Variants in MT2A observed in about 807,000 individuals in gnomAD.
MT2A encodes the protein metallothionein 2A, also known as metallothionein-2.
Under a neutral mutation model 9.9 loss-of-function variants are expected in MT2A, and 6 were observed. The observed-to-expected ratio is 0.61, with a 90% CI of 0.33 to 1.20. The LOEUF is 1.20. Ranked by LOEUF, MT2A falls within the 50% of genes most tolerant of loss-of-function variation. The pLI is 0.04. For synonymous variants in MT2A, 27 were observed against 28.7 expected, an observed-to-expected ratio of 0.94 and a Z score of 0.18; for missense variants, 57 against 78.2, an observed-to-expected ratio of 0.73 and a Z score of 1.02.
At position 56,608,669 on chromosome 16, in the gene MT2A, G is replaced by T; in HGVS notation, c.14G>T (p.Cys5Phe). Reference sequence around the variant, plus strand: ...CTTCAGCTCGCCATGGATCCCAACTGCTCCTGCGCCGCCGGTAAGAGGCTG... The same window carrying T: ...CTTCAGCTCGCCATGGATCCCAACTTCTCCTGCGCCGCCGGTAAGAGGCTG... MDPN[C>F]SCAAGDSCTC... The change falls in exon 1 of 3, where the codon TGC (cysteine) becomes TTC (phenylalanine). Residue 5 changes from cysteine (C) to phenylalanine (F), a missense_variant. Cys to Phe is a radical substitution (Grantham distance 205, BLOSUM62 -2). Coordinates refer to ENST00000245185, the MANE Select transcript of MT2A (RefSeq NM_005953.5). The T allele has an allele frequency of 6.2e-7, 1 of 1,614,200 alleles. No individual in the cohort carries two copies.
rs750013379 is a variant in MT2A at position 56,609,003 on chromosome 16, A to T, written c.40A>T (p.Thr14Ser). ...NCSCAAGDSC[T>S]CAGSCKCKEC... ...TTTTCTCCTTGCAGGTGACTCCTGC[A>T]CCTGCGCCGGCTCCTGCAAATGCAA... The change falls in exon 2 of 3, where the codon ACC (threonine) becomes TCC (serine). Residue 14 changes from threonine to serine, a missense_variant. Coordinates refer to ENST00000245185, the MANE Select transcript of MT2A (RefSeq NM_005953.5). 6.2e-7 allele frequency: 1 copy of T among 1,614,112 alleles called. No homozygotes were observed. Among genetic ancestry groups the T allele is most frequent in the South Asian group, 1.1e-5 (1 of 91,086 alleles).
chr16:56,609,394 T>A lies in MT2A; in HGVS notation c.*40T>A. 6.2e-7 allele frequency: 1 copy of A among 1,609,576 alleles called. No homozygotes were observed. The highest frequency in any genetic ancestry group is 8.5e-7 in the Non-Finnish European group (1 of 1,177,902). On this transcript the variant is annotated 3_prime_UTR_variant, in exon 3 of 3. Transcript: ENST00000245185. ...CGCTCCCAGATGTAAAGAACGCGACTTCCACAAACCTGGATTTTTTATGTA... is the reference window on the plus strand; with the variant it reads ...CGCTCCCAGATGTAAAGAACGCGACATCCACAAACCTGGATTTTTTATGTA...
At chr16:56,608,760 A>G (rs1448327142) in intron 1 of MT2A, 77 bp downstream of exon 1, 2 of 1,594,794 alleles carry the variant, frequency 1.3e-6, no homozygotes, top group Admixed American at 1.7e-5. Context: ...TTCTCTGGTC[A>G]CTCAATTTCA....
chr16:56,609,197 G>C (rs866925532), intron 2 of MT2A, 66 bp from the exon 3 acceptor site: 3 of 1,613,328 alleles, frequency 1.9e-6, no homozygotes, highest in East Asian at 2.2e-5. Flanking sequence ...CCTTATCAGG[G>C]AGAGCAGGAA....
chr16:56,608,812 T>C (rs1297196020), intron 1 of MT2A, 129 bp downstream of exon 1: 1 of 1,389,378 alleles, frequency 7.2e-7, no homozygotes. Flanking sequence ...GGGGTATCTT[T>C]CTCTCCATTC....
chr16:56,609,190 T>C (rs1960003782), intron 2 of MT2A, 73 bp from the exon 3 acceptor site: 1 of 1,613,120 alleles, frequency 6.2e-7, no homozygotes, highest in Non-Finnish European at 8.5e-7. Flanking sequence ...CAGTGATCCT[T>C]ATCAGGGAGA....
chr16:56,609,069 C>G lies in MT2A; in HGVS notation c.94+12C>G. On this transcript the variant is annotated intron_variant, in intron 2 of 2. Transcript: ENST00000245185. ...CTCCTGCAAGAAAAGTAAGTGGGAT[C>G]CTCTCTTTCCTCTACCCCTTCCCTG... is the stretch of plus-strand genomic sequence containing the variant. 6.8e-6 allele frequency: 11 copies of G among 1,614,118 alleles called. No individual in the cohort carries two copies. The highest frequency in any genetic ancestry group is 9.3e-6 in the Non-Finnish European group (11 of 1,179,956).
At chr16:56,608,752 C>A in intron 1 of MT2A, 69 bp downstream of exon 1, 6 of 1,599,580 alleles carry the variant, frequency 3.8e-6, no homozygotes, top group Non-Finnish European at 5.1e-6. Flanking sequence ...CTCTTTCTTT[C>A]TCTGGTCACT....
intron 1 of MT2A, 52 bp from the exon 2 acceptor site, chr16:56,608,940 C>T (rs1959998849): frequency 6.2e-7 from 1 of 1,601,742 alleles, no homozygotes; most frequent in Admixed American, 1.7e-5. Flanking sequence ...GTACGCCGTC[C>T]CTTGTTCAGG....
rs749890299 is a variant in MT2A, at chr16:56,609,127, G to T, written c.94+70G>T. ...GCCTGTCCCCTCTCCACCATCCTCA[G>T]GGGAATTAAAGCAGTCTGGGGATGC... On this transcript the variant is annotated intron_variant, in intron 2 of 2. Transcript: ENST00000245185. 29 of 1,611,296 alleles carry T rather than the reference G, an allele frequency of 1.8e-5. No homozygotes were observed. In the African/African-American group the frequency reaches 3.2e-4, roughly 18 times the overall value.
intron 2 of MT2A, 85 bp from the exon 3 acceptor site, chr16:56,609,178 C>A (rs1322459799): frequency 1.2e-6 from 2 of 1,612,500 alleles, no homozygotes. Context: ...TTGTTGCCTC[C>A]TCAGTGATCC....
At chr16:56,608,900 T>C in intron 1 of MT2A, 92 bp from the exon 2 acceptor site, 1 of 1,469,338 alleles carries the variant, frequency 6.8e-7, no homozygotes, top group South Asian at 1.2e-5. Context: ...GAATCGGTTG[T>C]GGACTGAGGA....
intron 1 of MT2A, 130 bp downstream of exon 1, chr16:56,608,813 C>A: frequency 7.2e-7 from 1 of 1,388,272 alleles, no homozygotes. Flanking sequence ...GGGTATCTTT[C>A]TCTCCATTCT....
Position 56,609,017 on chromosome 16 carries a change from C to T in MT2A, c.54C>T (p.Ser18=). 1 of 1,614,226 alleles carries T rather than the reference C, an allele frequency of 6.2e-7. No individual in the cohort carries two copies. The highest frequency in any genetic ancestry group is 8.5e-7 in the Non-Finnish European group (1 of 1,180,040). Residue 18 remains serine (S), a synonymous_variant, in exon 2 of 3, where the codon TCC becomes TCT. Coordinates refer to ENST00000245185, the MANE Select transcript of MT2A (RefSeq NM_005953.5). ...GTGACTCCTGCACCTGCGCCGGCTC[C>T]TGCAAATGCAAAGAGTGCAAATGCA... ...AAGDSCTCAG[S]CKCKECKCTS...
chr16:56,609,080 T>C, intron 2 of MT2A, 23 bp downstream of exon 2: 2 of 1,614,002 alleles, frequency 1.2e-6, no homozygotes, highest in Non-Finnish European at 1.7e-6. Flanking sequence ...CTCTCTTTCC[T>C]CTACCCCTTC....
intron 2 of MT2A, 54 bp downstream of exon 2, chr16:56,609,111 C>T (rs1467099498): frequency 1.2e-6 from 2 of 1,612,328 alleles, no homozygotes; most frequent in Non-Finnish European, 1.7e-6. Context: ...AGCCTGTCCC[C>T]TCTCCACCAT....
At chr16:56,608,873 C>A in intron 1 of MT2A, 119 bp from the exon 2 acceptor site, 1 of 1,350,836 alleles carries the variant, frequency 7.4e-7, no homozygotes, top group Non-Finnish European at 1.0e-6. Flanking sequence ...GAGTTAATGG[C>A]TTGCTCAAGT....
Position 56,609,276 on chromosome 16 carries a change from C to T in MT2A, c.108C>T (p.Cys36=), listed in dbSNP as rs1215714139. The change falls in exon 3 of 3, where the codon TGC becomes TGT. Residue 36 remains cysteine (C), a synonymous_variant. Coordinates refer to ENST00000245185, the MANE Select transcript of MT2A (RefSeq NM_005953.5). ...GTCTGCCCCCAGGCTGCTGCTCCTG[C>T]TGCCCTGTGGGCTGTGCCAAGTGTG... ...CTSCKKSCCS[C]CPVGCAKCAQ... The T allele has an allele frequency of 6.2e-7, 1 of 1,614,108 alleles. No individual in the cohort carries two copies. The highest frequency in any genetic ancestry group is 8.5e-7 in the Non-Finnish European group (1 of 1,180,048).
chr16:56,608,964 T>C (rs1959999218), intron 1 of MT2A, 28 bp from the exon 2 acceptor site: 1 of 1,613,570 alleles, frequency 6.2e-7, no homozygotes, highest in Non-Finnish European at 8.5e-7. Context: ...CCAGGGACGG[T>C]TCTCACCTCT....
Sources: allele counts gnomAD v4.1 joint callset, GRCh38; gene constraint gnomAD v4.1.1; transcripts MANE v1.5; gene names NCBI Gene and HGNC (gene_info 2026-07-23, HGNC 2026-07-21).